Variants in KAZN observed in about 807,000 individuals in gnomAD.
The protein encoded by KAZN is kazrin.
KAZN carries 40 observed loss-of-function variants against 87.4 expected under a neutral mutation model. That is an observed-to-expected ratio of 0.46 (90% CI 0.36 to 0.60). The LOEUF (loss-of-function observed/expected upper bound fraction) is 0.60. Ranked by LOEUF, KAZN falls within the 20% of genes least tolerant of loss-of-function variation. KAZN has a pLI of 0.00. For missense variants in KAZN, 898 were observed against 1,073.9 expected (o/e 0.84, Z 2.29); for synonymous variants, 466 against 458.3 (o/e 1.02, Z -0.22).
intron 1 of KAZN, among the ~76,000 whole-genome samples, chr1:14,637,110 C>A (rs1231405967): frequency 6.6e-6 from 1 of 152,156 alleles, no homozygotes; most frequent in Non-Finnish European, 1.5e-5. Context: ...TTGGCCGTTG[C>A]ATATTCTCTC....
chr1:14,731,976 T>C (rs1643697098), intron 1 of KAZN, among the ~76,000 whole-genome samples: 1 of 152,228 alleles, frequency 6.6e-6, no homozygotes, highest in African/African-American at 2.4e-5. Flanking sequence ...TCCCAAATGG[T>C]GCGGCTAAGC....
chr1:15,036,756 A>G (rs1296697207), intron 3 of KAZN, among the ~76,000 whole-genome samples: 1 of 152,152 alleles, frequency 6.6e-6, no homozygotes, highest in Non-Finnish European at 1.5e-5. Context: ...ATGCAGGTAC[A>G]CGTGTGTGCT....
chr1:13,931,262 TC>T (rs569714381), intron 1 of KAZN, among the ~76,000 whole-genome samples: 11 of 152,332 alleles, frequency 7.2e-5, no homozygotes, highest in Admixed American at 4.6e-4. Flanking sequence ...GCTGTAATGG[TC>T]CAGGTACATG....
intron 1 of KAZN, among the ~76,000 whole-genome samples, chr1:14,074,173 C>T (rs970329599): frequency 6.6e-6 from 1 of 152,118 alleles, no homozygotes; most frequent in African/African-American, 2.4e-5. Context: ...TATGTTCCAT[C>T]CCCCTACCTC....
intron 1 of KAZN, among the ~76,000 whole-genome samples, chr1:14,619,789 A>T (rs905240670): frequency 6.6e-6 from 1 of 152,200 alleles, no homozygotes; most frequent in Admixed American, 6.5e-5. Flanking sequence ...ATCATGCAAC[A>T]TGTGACCTTT....
intron 1 of KAZN, among the ~76,000 whole-genome samples, chr1:14,605,712 C>T (rs1313671325): frequency 2.0e-5 from 3 of 152,156 alleles, no homozygotes; most frequent in African/African-American, 7.2e-5. Context: ...GTTGGTCTCG[C>T]TGTCTCAGGG....
chr1:13,962,970 G>T (rs1262265783), intron 1 of KAZN, among the ~76,000 whole-genome samples: 7 of 152,206 alleles, frequency 4.6e-5, no homozygotes, highest in Admixed American at 4.6e-4. Flanking sequence ...ATTTGGGGGT[G>T]TTCTGGTGAC....
chr1:15,075,828 A>G (rs1443905606), intron 8 of KAZN, among the ~76,000 whole-genome samples: 1 of 152,234 alleles, frequency 6.6e-6, no homozygotes, highest in Non-Finnish European at 1.5e-5. Context: ...GGTCCTAGAT[A>G]TAGACAGAGG....
intron 1 of KAZN, among the ~76,000 whole-genome samples, chr1:14,637,152 C>T (rs552795906): frequency 6.0e-4 from 91 of 152,144 alleles, no homozygotes; most frequent in Non-Finnish European, 9.6e-4. Flanking sequence ...ATGGGAGGTG[C>T]GCAGTGAAAA....
chr1:14,929,425 G>T (rs1320424096), intron 1 of KAZN, among the ~76,000 whole-genome samples: 1 of 152,130 alleles, frequency 6.6e-6, no homozygotes, highest in African/African-American at 2.4e-5. Flanking sequence ...TGGACAATTT[G>T]CCAGGACCCT....
intron 1 of KAZN, among the ~76,000 whole-genome samples, chr1:14,676,162 T>G (rs1467755093): frequency 6.6e-6 from 1 of 152,242 alleles, no homozygotes; most frequent in African/African-American, 2.4e-5. Flanking sequence ...CCTCCTCGGA[T>G]GCTGGCATTG....
rs35505020 is a variant in KAZN at position 14,193,661 on chromosome 1, G to GT, written c.249+13087dup. Among the ~76,000 whole-genome samples the GT allele has an allele frequency of 1.7e-3, 237 of 140,642 alleles. 1 individual carries two copies. The East Asian group carries it at 0.019, about 12-fold the overall frequency. 92.3% of individuals were successfully genotyped at this position (140,642 alleles called of 152,430 possible). A position where few individuals can be genotyped will look rare whatever the true frequency, so the allele number is the denominator to read the frequency against. ...ATCACAAACTAAGAAAGACTAAGGTGTTTTTTTTTTTTTTTTTTACCAGGT... is the reference window on the plus strand; with the variant it reads ...ATCACAAACTAAGAAAGACTAAGGTGTTTTTTTTTTTTTTTTTTTACCAGGT... On this transcript the variant is annotated intron_variant, in intron 2 of 16. Coordinates refer to the KAZN transcript ENST00000636203.
chr1:14,815,176 G>A (rs150551143), intron 1 of KAZN, among the ~76,000 whole-genome samples: 4 of 152,238 alleles, frequency 2.6e-5, no homozygotes, highest in African/African-American at 9.6e-5. Context: ...GGGTCTATGT[G>A]GGTCACTGGG....
At chr1:14,298,983 C>T (rs1319488787) in intron 2 of KAZN, among the ~76,000 whole-genome samples, 1 of 152,144 alleles carries the variant, frequency 6.6e-6, no homozygotes, top group Non-Finnish European at 1.5e-5. Context: ...ACATGTGTTG[C>T]CTGTGCCGTT....
chr1:14,621,015 T>C lies in KAZN; in HGVS notation c.226+21792T>C, dbSNP rs139069949. Among the ~76,000 whole-genome samples the C allele has an allele frequency of 1.7e-3, 255 of 152,268 alleles. 2 individuals are homozygous for C. Among genetic ancestry groups the C allele is most frequent in the African/African-American group, 6.0e-3 (248 of 41,546 alleles). On this transcript the variant is annotated intron_variant, in intron 1 of 14. Transcript: ENST00000376030. Reference sequence around the variant, plus strand: ...ACATCAGCCTCCCCATGTAGGAACTTGCTGGCTGGCCACAGAGCAGATAGG... The same window carrying C: ...ACATCAGCCTCCCCATGTAGGAACTCGCTGGCTGGCCACAGAGCAGATAGG...
At chr1:14,712,968 TTGTTTTTTAATGC>T (rs2100218491) in intron 1 of KAZN, among the ~76,000 whole-genome samples, 1 of 152,318 alleles carries the variant, frequency 6.6e-6, no homozygotes, top group South Asian at 2.1e-4. Context: ...CATGTATCAG[TTGTTTTTTAATGC>T]CGCACTGCTG....
intron 2 of KAZN, among the ~76,000 whole-genome samples, chr1:14,542,993 TG>T (rs1355623601): frequency 9.0e-5 from 6 of 67,010 alleles, no homozygotes; most frequent in East Asian, 4.5e-4. Context: ...AGCATTGGGT[TG>T]GGGGGGTGGG....
rs1035232876 is a variant in KAZN, at chr1:14,098,031, A to G, written c.92-82404A>G. Among the ~76,000 whole-genome samples, 416 of 147,612 alleles carry G rather than the reference A, an allele frequency of 2.8e-3. 1 individual carries two copies. Among genetic ancestry groups the G allele is most frequent in the African/African-American group, 9.8e-3 (398 of 40,574 alleles). On this transcript the variant is annotated intron_variant, in intron 1 of 16. Transcript: ENST00000636203. ...CTTCACCACAACCTTGGAAGGTAGG[A>G]TTTTTTTTTTTTATTATCTCCATTT...
intron 1 of KAZN, among the ~76,000 whole-genome samples, chr1:14,685,297 C>T (rs928600105): frequency 6.6e-6 from 1 of 152,166 alleles, no homozygotes; most frequent in Non-Finnish European, 1.5e-5. Context: ...GGTGAGGGAG[C>T]TGGGGTATTT....
Sources: allele counts gnomAD v4.1 joint callset (sites outside exome capture counted in the v4.1 genomes callset), GRCh38; gene constraint gnomAD v4.1.1; transcripts MANE v1.5; gene names NCBI Gene and HGNC (gene_info 2026-07-23, HGNC 2026-07-21).